The following KCNK2 variants were observed in gnomAD, a reference collection of about 807,000 sequenced individuals.
The protein encoded by KCNK2 is potassium two pore domain channel subfamily K member 2.
A neutral mutation model predicts 40.5 loss-of-function variants in KCNK2; 21 were observed. The ratio of observed to expected loss-of-function variants is 0.52; its 90% CI spans 0.37 to 0.75. The LOEUF (loss-of-function observed/expected upper bound fraction) is 0.75. Among genes scored for constraint, KCNK2 ranks in the 30% least tolerant of loss-of-function variants. KCNK2 has a pLI of 0.00. For missense variants in KCNK2, 399 were observed against 531.6 expected, an observed-to-expected ratio of 0.75 and a Z score of 2.45; for synonymous variants, 191 against 202.2, an observed-to-expected ratio of 0.94 and a Z score of 0.47.
chr1:215,050,132 T>C (rs757502916), intron 1 of KCNK2, among the ~76,000 whole-genome samples: 4 of 152,176 alleles, frequency 2.6e-5, no homozygotes, highest in African/African-American at 9.6e-5. Context: ...TTCTAACCCA[T>C]GAAATTCTAC....
At chr1:215,102,204 C>T (rs1241947272) in intron 2 of KCNK2, among the ~76,000 whole-genome samples, 1 of 151,954 alleles carries the variant, frequency 6.6e-6, no homozygotes, top group Non-Finnish European at 1.5e-5. Flanking sequence ...AAGCATCATG[C>T]ATGTCATTAT....
chr1:215,083,196 C>G lies in KCNK2; in HGVS notation c.-190C>G. ...CGCGATTTCGTTTCTTCTCACGCTCCCCCCCCCGCCCCCTCCCGCGTCCAG... is the reference window on the plus strand; with the variant it reads ...CGCGATTTCGTTTCTTCTCACGCTCGCCCCCCCGCCCCCTCCCGCGTCCAG... On this transcript the variant is annotated 5_prime_UTR_variant, in exon 1 of 7. Transcript: ENST00000444842. The G allele has an allele frequency of 4.5e-6, 2 of 447,376 alleles. No homozygotes were observed. Among genetic ancestry groups the G allele is most frequent in the Non-Finnish European group, 7.7e-6 (2 of 260,850 alleles). The allele number at this position is 447,376 out of a possible 1,614,324, so 27.7% of individuals were successfully genotyped here.
chr1:215,159,958 A>T (rs1663122664), intron 3 of KCNK2, among the ~76,000 whole-genome samples: 2 of 152,308 alleles, frequency 1.3e-5, no homozygotes, highest in African/African-American at 2.4e-5. Context: ...GACAGATTCA[A>T]ATCAAGGAAT....
chr1:215,067,670 T>C (rs369785671), intron 1 of KCNK2, among the ~76,000 whole-genome samples: 2 of 151,904 alleles, frequency 1.3e-5, no homozygotes, highest in African/African-American at 4.8e-5. Flanking sequence ...TCAAGACCAG[T>C]CTGGCCAACA....
chr1:215,148,353 G>C (rs985258650), intron 3 of KCNK2, among the ~76,000 whole-genome samples: 2 of 151,526 alleles, frequency 1.3e-5, no homozygotes, highest in African/African-American at 4.8e-5. Context: ...GAGATTACAG[G>C]CATGACCCAC....
Position 215,083,194 on chromosome 1 carries a change from T to TCCCCCCCCCCCCCCCCCCCTCC in KCNK2, c.-183_-182insCCCCCCCCCCTCCCCCCCCCCC. 2.0e-6 allele frequency: 1 copy of TCCCCCCCCCCCCCCCCCCCTCC among 501,814 alleles called. No individual in the cohort carries two copies. The highest frequency in any genetic ancestry group is 2.0e-5 in the South Asian group (1 of 49,324). The allele number at this position is 501,814 out of a possible 1,614,324, so 31.1% of individuals were successfully genotyped here. On this transcript the variant is annotated 5_prime_UTR_variant, in exon 1 of 7. Coordinates refer to ENST00000444842, the MANE Select transcript of KCNK2 (RefSeq NM_001017425.3). ...CCCGCGATTTCGTTTCTTCTCACGC[T>TCCCCCCCCCCCCCCCCCCCTCC]CCCCCCCCCGCCCCCTCCCGCGTCC...
chr1:215,160,989 A>T (rs1177607351), intron 3 of KCNK2, among the ~76,000 whole-genome samples: 1 of 151,952 alleles, frequency 6.6e-6, no homozygotes, highest in Non-Finnish European at 1.5e-5. Context: ...GTCATTTTTC[A>T]TTGTGTCCGT....
intron 5 of KCNK2, among the ~76,000 whole-genome samples, chr1:215,191,999 A>G (rs1664686392): frequency 6.6e-6 from 1 of 152,212 alleles, no homozygotes; most frequent in Non-Finnish European, 1.5e-5. Context: ...GCCAGAGACA[A>G]ATAGGTAGGT....
intron 1 of KCNK2, among the ~76,000 whole-genome samples, chr1:215,045,628 A>G (rs529143227): frequency 6.6e-6 from 1 of 152,332 alleles, no homozygotes; most frequent in East Asian, 1.9e-4. Context: ...CAGCATATGA[A>G]AAACCTGTCC....
chr1:215,145,742 CT>C (rs752109512), intron 3 of KCNK2, among the ~76,000 whole-genome samples: 1 of 152,128 alleles, frequency 6.6e-6, no homozygotes, highest in Non-Finnish European at 1.5e-5. Context: ...TAACAATACT[CT>C]TTAAAGTGTG....
Position 215,086,696 on chromosome 1 carries a change from G to C in KCNK2, c.357+18G>C, listed in dbSNP as rs765247403. 4 of 1,601,514 alleles carry C rather than the reference G, an allele frequency of 2.5e-6. No homozygotes were observed. Among genetic ancestry groups the C allele is most frequent in the South Asian group, 1.1e-5 (1 of 89,876 alleles). On this transcript the variant is annotated intron_variant, in intron 2 of 6. Transcript: ENST00000444842. ...TCATTCAGGTAATGGCATGGGAGGA[G>C]TTGTTACTCTGTTCCCCCAAATGGG...
At chr1:215,201,879 C>A (rs892698667) in intron 6 of KCNK2, among the ~76,000 whole-genome samples, 3 of 152,080 alleles carry the variant, frequency 2.0e-5, no homozygotes, top group African/African-American at 7.2e-5. Flanking sequence ...GTTTCTTCTT[C>A]CCACCCTCCA....
intron 6 of KCNK2, among the ~76,000 whole-genome samples, chr1:215,196,705 G>C (rs933624190): frequency 1.3e-5 from 2 of 151,890 alleles, no homozygotes; most frequent in African/African-American, 4.8e-5. Flanking sequence ...GTGTGGGGGC[G>C]GTGGGAGATG....
chr1:215,038,534 AC>A (rs1657460024), intron 1 of KCNK2, among the ~76,000 whole-genome samples: 1 of 152,022 alleles, frequency 6.6e-6, no homozygotes, highest in Admixed American at 6.6e-5. Flanking sequence ...CTAAGGATTC[AC>A]CTAACATTTC....
chr1:215,043,874 C>G (rs1345756782), intron 1 of KCNK2, among the ~76,000 whole-genome samples: 1 of 151,912 alleles, frequency 6.6e-6, no homozygotes, highest in Non-Finnish European at 1.5e-5. Context: ...GATTCTTCCC[C>G]CAAATTGACT....
intron 3 of KCNK2, among the ~76,000 whole-genome samples, chr1:215,159,704 G>A (rs1005770774): frequency 1.3e-5 from 2 of 151,980 alleles, no homozygotes; most frequent in African/African-American, 4.8e-5. Flanking sequence ...ATAAAAGTTT[G>A]AGGAACATAA....
In KCNK2 at chr1:215,056,074, G is replaced by C. The variant is rs894985948; in HGVS notation, c.35-30294G>C. 2.0e-5 allele frequency among the ~76,000 whole-genome samples: 3 copies of C among 152,118 alleles called. 1 individual carries two copies. The highest frequency in any genetic ancestry group is 2.0e-4 in the Admixed American group (3 of 15,272). ...TAATCCCAGCACTTTGGGAGGCCAA[G>C]GTGAGCAGATCAGCCACTGAAGTCA... is the stretch of plus-strand genomic sequence containing the variant. On this transcript the variant is annotated intron_variant, in intron 1 of 6. Transcript: ENST00000391895.
At chr1:215,137,655 A>G (rs1400791580) in intron 3 of KCNK2, among the ~76,000 whole-genome samples, 1 of 152,158 alleles carries the variant, frequency 6.6e-6, no homozygotes, top group African/African-American at 2.4e-5. Context: ...CGAGTTATTT[A>G]CTTCCTTCAG....
intron 6 of KCNK2, among the ~76,000 whole-genome samples, chr1:215,221,408 A>C (rs1203773148): frequency 2.0e-5 from 3 of 152,112 alleles, no homozygotes; most frequent in Non-Finnish European, 2.9e-5. Context: ...GACAACAAAA[A>C]ACACACAAAA....
Sources: allele counts gnomAD v4.1 joint callset (sites outside exome capture counted in the v4.1 genomes callset), GRCh38; gene constraint gnomAD v4.1.1; transcripts MANE v1.5; gene names NCBI Gene and HGNC (gene_info 2026-07-23, HGNC 2026-07-21).